LSAMP: variants seen among roughly 807,000 people sequenced by gnomAD.
The protein encoded by LSAMP is limbic system associated membrane protein.
A neutral mutation model predicts 38.6 loss-of-function variants in LSAMP; 7 were observed. The ratio of observed to expected loss-of-function variants is 0.18; its 90% CI spans 0.10 to 0.34. The LOEUF (loss-of-function observed/expected upper bound fraction) is 0.34. Among genes scored for constraint, LSAMP ranks in the 10% least tolerant of loss-of-function variants. The probability of loss-of-function intolerance (pLI) is 1.00; values close to 1 mark genes in which losing one functional copy is unlikely to be tolerated. For missense variants in LSAMP, 313 were observed against 420.0 expected (o/e 0.75, Z 2.23); for synonymous variants, 154 against 166.8 (o/e 0.92, Z 0.59).
intron 1 of LSAMP, among the ~76,000 whole-genome samples, chr3:116,241,448 C>T (rs1207166078): frequency 6.6e-6 from 1 of 151,982 alleles, no homozygotes; most frequent in Non-Finnish European, 1.5e-5. Context: ...CGCCTGTAGT[C>T]CCAGCTACTC....
chr3:116,428,710 G>A (rs1034678318), intron 1 of LSAMP, among the ~76,000 whole-genome samples: 9 of 152,104 alleles, frequency 5.9e-5, no homozygotes, highest in Admixed American at 1.3e-4. Flanking sequence ...TTTCTCTTGG[G>A]ACTAAAATTG....
chr3:116,365,644 A>C (rs1475414938), intron 1 of LSAMP, among the ~76,000 whole-genome samples: 1 of 33,192 alleles, frequency 3.0e-5, no homozygotes, highest in Non-Finnish European at 4.8e-5. Context: ...CTGGATTAAG[A>C]AAATGTGGCA....
intron 1 of LSAMP, among the ~76,000 whole-genome samples, chr3:116,404,669 A>C (rs1266074417): frequency 6.6e-6 from 1 of 152,130 alleles, no homozygotes; most frequent in Non-Finnish European, 1.5e-5. Flanking sequence ...GAAATACTAT[A>C]ATTTAATTTA....
Position 116,221,276 on chromosome 3 carries a change from T to C in LSAMP, c.156-134720A>G, listed in dbSNP as rs543146032. 7.3e-5 allele frequency among the ~76,000 whole-genome samples: 11 copies of C among 151,140 alleles called. No homozygotes were observed. The East Asian group carries it at 1.8e-3, about 24-fold the overall frequency. ...ATCTTAAAATTTGCCTAGAGAAAAATGCAATTAACCCCATTTTGTATACAA... is the reference window on the plus strand; with the variant it reads ...ATCTTAAAATTTGCCTAGAGAAAAACGCAATTAACCCCATTTTGTATACAA... On this transcript the variant is annotated intron_variant, in intron 1 of 6. Transcript: ENST00000490035.
At position 116,345,350 on chromosome 3, in the gene LSAMP, A is replaced by G. The variant is rs545040178; in HGVS notation, c.155+99527T>C. On this transcript the variant is annotated intron_variant, in intron 1 of 6. Coordinates refer to ENST00000490035, the MANE Select transcript of LSAMP (RefSeq NM_002338.5). ...AACTTAATATTGTAAAAATGCAGAA[A>G]TTAGAATTCTGCAGGGCTGTCAACC... 9.2e-5 allele frequency among the ~76,000 whole-genome samples: 14 copies of G among 152,302 alleles called. No individual in the cohort carries two copies. In the East Asian group the frequency reaches 2.7e-3, roughly 29 times the overall value.
chr3:116,241,240 G>T (rs796899404), intron 1 of LSAMP, among the ~76,000 whole-genome samples: 33 of 149,568 alleles, frequency 2.2e-4, no homozygotes, highest in African/African-American at 7.9e-4. Flanking sequence ...CCTGTCCAAG[G>T]TTTCATGTAG....
chr3:115,923,725 G>A (rs189995045), intron 3 of LSAMP, among the ~76,000 whole-genome samples: 2 of 151,904 alleles, frequency 1.3e-5, no homozygotes, highest in Admixed American at 1.3e-4. Flanking sequence ...CTCCTACCTG[G>A]AATGACTTTT....
intron 1 of LSAMP, among the ~76,000 whole-genome samples, chr3:116,105,619 C>T (rs909606635): frequency 3.3e-5 from 5 of 152,244 alleles, no homozygotes; most frequent in Non-Finnish European, 5.9e-5. Flanking sequence ...CAGGGTTAAT[C>T]ACTCAGTTAA....
chr3:115,878,459 T>G (rs950726442), intron 3 of LSAMP, among the ~76,000 whole-genome samples: 1 of 99,538 alleles, frequency 1.0e-5, no homozygotes, highest in Non-Finnish European at 2.0e-5. Flanking sequence ...TATTCTTTTT[T>G]TTTTTTTTTT....
intron 6 of LSAMP, among the ~76,000 whole-genome samples, chr3:115,820,882 C>T (rs1315303591): frequency 1.3e-5 from 2 of 152,140 alleles, no homozygotes; most frequent in African/African-American, 4.8e-5. Flanking sequence ...CTTGGGAATT[C>T]ACAGTTATTT....
chr3:116,153,567 T>C (rs990395192), intron 1 of LSAMP, among the ~76,000 whole-genome samples: 4 of 152,140 alleles, frequency 2.6e-5, no homozygotes, highest in Non-Finnish European at 5.9e-5. Flanking sequence ...TGGAAAACTA[T>C]GTGTCCTCAT....
At chr3:116,034,041 A>G (rs1056279050) in intron 2 of LSAMP, among the ~76,000 whole-genome samples, 1 of 152,118 alleles carries the variant, frequency 6.6e-6, no homozygotes, top group Non-Finnish European at 1.5e-5. Context: ...AATTGAGCAC[A>G]GGATGAGGAA....
intron 6 of LSAMP, among the ~76,000 whole-genome samples, chr3:115,833,739 C>T (rs1293227392): frequency 6.6e-6 from 1 of 151,376 alleles, no homozygotes; most frequent in Admixed American, 6.6e-5. Context: ...ACGCCAGGTC[C>T]CGCATGGCCT....
At chr3:115,821,449 T>C (rs1934235407) in intron 6 of LSAMP, among the ~76,000 whole-genome samples, 1 of 152,182 alleles carries the variant, frequency 6.6e-6, no homozygotes, top group Non-Finnish European at 1.5e-5. Flanking sequence ...AACGTAGAGT[T>C]TGGGGAGTTT....
chr3:116,013,198 T>A (rs1303075443), intron 3 of LSAMP, among the ~76,000 whole-genome samples: 5 of 152,150 alleles, frequency 3.3e-5, no homozygotes. Context: ...TGCTAGGGCA[T>A]TTGTCCAACA....
intron 6 of LSAMP, chr3:115,816,633 G>T (rs779072995): frequency 7.8e-7 from 1 of 1,286,360 alleles, no homozygotes; most frequent in South Asian, 1.2e-5. Flanking sequence ...TGAAGTGCAC[G>T]GTGGTACCAA....
intron 4 of LSAMP, among the ~76,000 whole-genome samples, chr3:115,844,168 A>G (rs1935084696): frequency 6.6e-6 from 1 of 152,216 alleles, no homozygotes; most frequent in South Asian, 2.1e-4. Context: ...TCCCAATTCT[A>G]GTTAAAACTG....
At position 115,826,805 on chromosome 3, in the gene LSAMP, G is replaced by A. The variant is rs538222387; in HGVS notation, c.919+15040C>T. On this transcript the variant is annotated intron_variant, in intron 6 of 6. Coordinates refer to ENST00000490035, the MANE Select transcript of LSAMP (RefSeq NM_002338.5). Reference sequence around the variant, plus strand: ...TTAGAAATCATAATGAAAAGAAAACGTGACCTCTAAAAGAAACTCTACAAA... The same window carrying A: ...TTAGAAATCATAATGAAAAGAAAACATGACCTCTAAAAGAAACTCTACAAA... 2.6e-4 allele frequency among the ~76,000 whole-genome samples: 40 copies of A among 152,186 alleles called. No individual in the cohort carries two copies. In the South Asian group the frequency reaches 7.7e-3, roughly 29 times the overall value.
At chr3:116,062,981 C>T (rs1182255921) in intron 2 of LSAMP, among the ~76,000 whole-genome samples, 3 of 152,008 alleles carry the variant, frequency 2.0e-5, no homozygotes, top group African/African-American at 4.8e-5. Flanking sequence ...CCATTCAAGT[C>T]GTGTGAATTA....
Sources: gnomAD v4.1 joint callset for allele counts (sites outside exome capture counted in the v4.1 genomes callset) on GRCh38, gnomAD v4.1.1 for gene constraint, MANE v1.5 for transcripts, NCBI Gene and HGNC (gene_info 2026-07-23, HGNC 2026-07-21) for gene names.